The following ZDHHC3 variants were observed in gnomAD, a reference collection of about 807,000 sequenced individuals.
ZDHHC3 encodes the protein zDHHC palmitoyltransferase 3.
Under a neutral mutation model 30.6 loss-of-function variants are expected in ZDHHC3, and 9 were observed. That is an observed-to-expected ratio of 0.29 (90% CI 0.18 to 0.51). ZDHHC3 has a LOEUF of 0.51. ZDHHC3 is among the 20% of genes least tolerant of loss of function. ZDHHC3 has a pLI of 0.97. For missense variants in ZDHHC3, 246 were observed against 384.2 expected, an observed-to-expected ratio of 0.64 and a Z score of 3.01; for synonymous variants, 136 against 140.2, an observed-to-expected ratio of 0.97 and a Z score of 0.21.
chr3:44,967,314 T>C (rs1392780025), intron 1 of ZDHHC3, among the ~76,000 whole-genome samples: 2 of 152,182 alleles, frequency 1.3e-5, no homozygotes, highest in African/African-American at 4.8e-5. Flanking sequence ...GGCTAACAGT[T>C]CCTCTACTTA....
chr3:44,927,702 CCTCT>C (rs1168552433), intron 6 of ZDHHC3, among the ~76,000 whole-genome samples: 2 of 152,202 alleles, frequency 1.3e-5, no homozygotes, highest in Non-Finnish European at 2.9e-5. Context: ...CTGCTTCCTC[CCTCT>C]CTCTCTTCTT....
At position 44,926,515 on chromosome 3, in the gene ZDHHC3, A is replaced by G. The variant is rs1701003336; in HGVS notation, c.*174T>C. Reference sequence around the variant, plus strand: ...ATCGAAAGGATGGTTTTTAAAAAATAAAATGTGGGGACTTTTTTTTTTCTC... The same window carrying G: ...ATCGAAAGGATGGTTTTTAAAAAATGAAATGTGGGGACTTTTTTTTTTCTC... On this transcript the variant is annotated 3_prime_UTR_variant, in exon 7 of 7. Coordinates refer to ENST00000424952, the MANE Select transcript of ZDHHC3 (RefSeq NM_001135179.2). 1.6e-6 allele frequency: 2 copies of G among 1,281,208 alleles called. No individual in the cohort carries two copies. The highest frequency in any genetic ancestry group is 9.9e-7 in the Non-Finnish European group (1 of 1,014,332). The allele number at this position is 1,281,208 out of a possible 1,614,324, so 79.4% of individuals were successfully genotyped here. A position where few individuals can be genotyped will look rare whatever the true frequency, so the allele number is the denominator to read the frequency against.
At chr3:44,966,681 CA>C (rs1704979697) in intron 1 of ZDHHC3, among the ~76,000 whole-genome samples, 1 of 152,104 alleles carries the variant, frequency 6.6e-6, no homozygotes. Flanking sequence ...GCTTTAGAAA[CA>C]AAATTGGTCA....
Position 44,918,996 on chromosome 3 carries a change from G to C in ZDHHC3, c.*7693C>G. ...AAGGGAATTTGCTGTGGGTTTGCTGGGCTTGGGCACTGCTCCTTCACATGA... is the reference window on the plus strand; with the variant it reads ...AAGGGAATTTGCTGTGGGTTTGCTGCGCTTGGGCACTGCTCCTTCACATGA... On this transcript the variant is annotated 3_prime_UTR_variant, in exon 7 of 7. Transcript: ENST00000424952. The C allele has an allele frequency of 1.0e-6, 1 of 985,472 alleles. No individual in the cohort carries two copies. Among genetic ancestry groups the C allele is most frequent in the Non-Finnish European group, 1.2e-6 (1 of 829,988 alleles). The allele number at this position is 985,472 out of a possible 1,614,324, so 61.0% of individuals were successfully genotyped here. A position where few individuals can be genotyped will look rare whatever the true frequency, so the allele number is the denominator to read the frequency against.
chr3:44,935,947 A>C (rs1278884443), intron 3 of ZDHHC3, among the ~76,000 whole-genome samples: 4 of 152,198 alleles, frequency 2.6e-5, no homozygotes, highest in Non-Finnish European at 4.4e-5. Flanking sequence ...TCCTGGACAT[A>C]GGGCAAAGAT....
At chr3:44,954,761 A>C (rs1703778693) in intron 2 of ZDHHC3, among the ~76,000 whole-genome samples, 1 of 152,178 alleles carries the variant, frequency 6.6e-6, no homozygotes, top group Non-Finnish European at 1.5e-5. Context: ...AAAAAGAAAC[A>C]ATCTACATCT....
At chr3:44,956,992 C>T (rs891176541) in intron 2 of ZDHHC3, among the ~76,000 whole-genome samples, 3 of 152,194 alleles carry the variant, frequency 2.0e-5, no homozygotes, top group Non-Finnish European at 4.4e-5. Context: ...AGTCCTGTTT[C>T]TCAGATGTGC....
chr3:44,942,764 G>C (rs570837389), intron 3 of ZDHHC3, among the ~76,000 whole-genome samples: 1 of 152,278 alleles, frequency 6.6e-6, no homozygotes, highest in Non-Finnish European at 1.5e-5. Context: ...TTTTACAGAG[G>C]AGAAAGCTGA....
At chr3:44,960,615 C>G (rs1463367072) in intron 1 of ZDHHC3, among the ~76,000 whole-genome samples, 1 of 152,226 alleles carries the variant, frequency 6.6e-6, no homozygotes, top group Non-Finnish European at 1.5e-5. Context: ...GCATCACCAA[C>G]CAGGTTTCTC....
intron 3 of ZDHHC3, among the ~76,000 whole-genome samples, chr3:44,942,372 G>A (rs543378898): frequency 6.6e-6 from 1 of 152,326 alleles, no homozygotes; most frequent in Non-Finnish European, 1.5e-5. Flanking sequence ...TTCTGAGGCA[G>A]GAACAGGCAA....
chr3:44,924,997 C>G lies in ZDHHC3; in HGVS notation c.*1692G>C, dbSNP rs1473294015. On this transcript the variant is annotated 3_prime_UTR_variant, in exon 7 of 7. Transcript: ENST00000424952. The stretch of plus-strand genomic sequence containing the variant: ...AGCAAAGGAAAGAGGCCTGGTGGGG[C>G]AAGCTGGTTCAAGAGAGGGACCATA... The G allele has an allele frequency of 1.0e-6, 1 of 985,368 alleles. No individual in the cohort carries two copies. Among genetic ancestry groups the G allele is most frequent in the African/African-American group, 1.7e-5 (1 of 57,178 alleles). 61.0% of individuals were successfully genotyped at this position (985,368 alleles called of 1,614,324 possible). A position where few individuals can be genotyped will look rare whatever the true frequency, so the allele number is the denominator to read the frequency against.
intron 2 of ZDHHC3, among the ~76,000 whole-genome samples, chr3:44,950,960 A>C (rs1703399439): frequency 6.6e-6 from 1 of 152,248 alleles, no homozygotes; most frequent in Non-Finnish European, 1.5e-5. Context: ...CAAGCCTAGC[A>C]GGTCAAAATG....
In ZDHHC3 at chr3:44,925,082, A is replaced by G; in HGVS notation, c.*1607T>C. On this transcript the variant is annotated 3_prime_UTR_variant, in exon 7 of 7. Transcript: ENST00000424952. ...CATTCAAGAGACAGAGCAATGAAAC[A>G]AACACCCAACCAGAGAAAACTCAAG... 1.0e-6 allele frequency: 1 copy of G among 985,904 alleles called. No homozygotes were observed. The highest frequency in any genetic ancestry group is 1.2e-6 in the Non-Finnish European group (1 of 829,950). 61.1% of individuals were successfully genotyped at this position (985,904 alleles called of 1,614,324 possible). A position where few individuals can be genotyped will look rare whatever the true frequency, so the allele number is the denominator to read the frequency against.
Position 44,941,725 on chromosome 3 carries a change from AAATAC to A in ZDHHC3, c.431+3438_431+3442del, listed in dbSNP as rs144859531. ...AAGAAGAACTGTCTTGGGCCACACA[AAATAC>A]ACTAACACTAACAACAGCTGATGAG... is the stretch of plus-strand genomic sequence containing the variant. On this transcript the variant is annotated intron_variant, in intron 3 of 6. Transcript: ENST00000424952. Among the ~76,000 whole-genome samples, 507 of 152,006 alleles carry A rather than the reference AAATAC, an allele frequency of 3.3e-3. 7 individuals are homozygous for A. The highest frequency in any genetic ancestry group is 0.026 in the Admixed American group (395 of 15,246).
rs1248487049 is a variant in ZDHHC3 at position 44,959,016 on chromosome 3, CT to C, written c.306+114del. 2 of 1,306,408 alleles carry C rather than the reference CT, an allele frequency of 1.5e-6. No individual in the cohort carries two copies. The highest frequency in any genetic ancestry group is 2.1e-6 in the Non-Finnish European group (2 of 939,412). 80.9% of individuals were successfully genotyped at this position (1,306,408 alleles called of 1,614,324 possible). Reference sequence around the variant, plus strand: ...CAGAGATCTACTTCCTCACCCTCCCCTGGCCCTCCTATCCTCCAAGTTCCCA... The same window carrying C: ...CAGAGATCTACTTCCTCACCCTCCCCGGCCCTCCTATCCTCCAAGTTCCCA... On this transcript the variant is annotated intron_variant, in intron 2 of 6. Coordinates refer to ENST00000424952, the MANE Select transcript of ZDHHC3 (RefSeq NM_001135179.2). This position sits in a 1 kb window ranked among gnomAD's most constrained non-coding sequence, Gnocchi z 4.3.
At chr3:44,932,699 G>A (rs935385426) in intron 5 of ZDHHC3, among the ~76,000 whole-genome samples, 3 of 152,170 alleles carry the variant, frequency 2.0e-5, no homozygotes, top group African/African-American at 7.2e-5. Context: ...GAAACTCCAT[G>A]TCCTAGCCAG....
chr3:44,931,533 A>G (rs1203846341), intron 5 of ZDHHC3, among the ~76,000 whole-genome samples: 1 of 152,152 alleles, frequency 6.6e-6, no homozygotes, highest in African/African-American at 2.4e-5. Flanking sequence ...ACCAGCTCCT[A>G]TGGCCCAACA....
At position 44,923,289 on chromosome 3, in the gene ZDHHC3, G is replaced by C; in HGVS notation, c.*3400C>G. 2.1e-6 allele frequency: 2 copies of C among 944,232 alleles called. No homozygotes were observed. The highest frequency in any genetic ancestry group is 1.3e-6 in the Non-Finnish European group (1 of 792,572). 58.5% of individuals were successfully genotyped at this position (944,232 alleles called of 1,614,324 possible). On this transcript the variant is annotated 3_prime_UTR_variant, in exon 7 of 7. Transcript: ENST00000424952. ...GACAGGGTTTCACCGTGTTAGCCAG[G>C]ATGATCTCGATCTCTTGACCTCGTG...
rs968031179 is a variant in ZDHHC3, at chr3:44,924,870, G to T, written c.*1819C>A. ...TAATCTTAGCATCTCAGCCTCGCCC[G>T]TATCGCATGAATAGCACCGTAGACA... On this transcript the variant is annotated 3_prime_UTR_variant, in exon 7 of 7. Transcript: ENST00000424952. The T allele has an allele frequency of 5.3e-5, 52 of 985,510 alleles. No homozygotes were observed. In the African/African-American group the frequency reaches 8.5e-4, roughly 16 times the overall value. The allele number at this position is 985,510 out of a possible 1,614,324, so 61.0% of individuals were successfully genotyped here. A position where few individuals can be genotyped will look rare whatever the true frequency, so the allele number is the denominator to read the frequency against.
Sources: gnomAD v4.1 joint callset for allele counts (sites outside exome capture counted in the v4.1 genomes callset) on GRCh38, gnomAD v4.1.1 for gene constraint, Gnocchi (gnomAD v3.1) non-coding constraint, MANE v1.5 for transcripts, NCBI Gene and HGNC (gene_info 2026-07-23, HGNC 2026-07-21) for gene names.